ADSL: variants seen among roughly 807,000 people sequenced by gnomAD.
ADSL encodes adenylosuccinase.
ADSL carries 44 observed loss-of-function variants against 62.1 expected under a neutral mutation model. That is an observed-to-expected ratio of 0.71 (90% CI 0.56 to 0.91). The LOEUF (loss-of-function observed/expected upper bound fraction) is 0.91, where lower values mean the gene tolerates loss of function less well. ADSL is among the 40% of genes least tolerant of loss of function. The probability of loss-of-function intolerance (pLI) is 0.00; values close to 1 mark genes in which losing one functional copy is unlikely to be tolerated. For missense variants in ADSL, 531 were observed against 627.4 expected (o/e 0.85, Z 1.64); for synonymous variants, 198 against 220.5 (o/e 0.90, Z 0.90).
chr22:40,356,649 A>G (rs559170735), intron 4 of ADSL, among the ~76,000 whole-genome samples: 41 of 152,028 alleles, frequency 2.7e-4, no homozygotes, highest in African/African-American at 9.9e-4. Flanking sequence ...GTTCGAGACC[A>G]GCCTGGGCAA....
At chr22:40,355,968 CCT>C in intron 4 of ADSL, among the ~76,000 whole-genome samples, 1 of 150,344 alleles carries the variant, frequency 6.7e-6, no homozygotes, top group South Asian at 2.1e-4. Flanking sequence ...GGGTGGATCA[CCT>C]GAGGTCAGGA....
At chr22:40,382,306 A>C (rs2047698619) in intron 2 of ADSL, among the ~76,000 whole-genome samples, 1 of 152,140 alleles carries the variant, frequency 6.6e-6, no homozygotes, top group African/African-American at 2.4e-5. Flanking sequence ...AACAATAATC[A>C]TTTTATTACT....
chr22:40,360,300 GTCC>G (rs1420693935), intron 6 of ADSL, 99 bp from the exon 7 acceptor site: 2 of 925,192 alleles, frequency 2.2e-6, no homozygotes, highest in Non-Finnish European at 3.5e-6. Flanking sequence ...AGTTAAAGCA[GTCC>G]TCCTCCGTTA....
intron 7 of ADSL, among the ~76,000 whole-genome samples, chr22:40,360,915 G>A (rs1246379784): frequency 6.6e-6 from 1 of 151,930 alleles, no homozygotes; most frequent in East Asian, 1.9e-4. Flanking sequence ...TGGCCAGGCT[G>A]GTCTCGAACT....
intron 2 of ADSL, among the ~76,000 whole-genome samples, chr22:40,381,135 G>A (rs753978539): frequency 2.6e-5 from 4 of 151,900 alleles, no homozygotes; most frequent in Admixed American, 1.3e-4. Flanking sequence ...AGAGGTACAC[G>A]CTTTTCTTTT....
chr22:40,372,122 C>CTTTT (rs58396730), downstream of ADSL, among the ~76,000 whole-genome samples: 12 of 65,212 alleles, frequency 1.8e-4, no homozygotes, highest in East Asian at 4.8e-4. Flanking sequence ...TCCCCCCCCC[C>CTTTT]TTTTTTTTTT....
At chr22:40,385,515 A>G (rs1245764321) in intron 2 of ADSL, among the ~76,000 whole-genome samples, 3 of 152,202 alleles carry the variant, frequency 2.0e-5, no homozygotes, top group African/African-American at 7.2e-5. Flanking sequence ...GTAGGAAGGA[A>G]GAAAACCACT....
At chr22:40,374,786 A>G (rs569065692) in intron 2 of ADSL, among the ~76,000 whole-genome samples, 2 of 152,348 alleles carry the variant, frequency 1.3e-5, no homozygotes, top group Admixed American at 1.3e-4. Flanking sequence ...AGGCTGAGGC[A>G]GGAGGATTGC....
intron 2 of ADSL, among the ~76,000 whole-genome samples, chr22:40,350,755 A>G (rs1477002841): frequency 1.3e-5 from 2 of 151,708 alleles, no homozygotes; most frequent in Non-Finnish European, 2.9e-5. Flanking sequence ...AGTAGCTGGG[A>G]TTCCACGCGC....
chr22:40,358,004 C>G (rs2044630610), intron 4 of ADSL, among the ~76,000 whole-genome samples: 1 of 152,084 alleles, frequency 6.6e-6, no homozygotes, highest in Admixed American at 6.5e-5. Context: ...TCTCGAACTC[C>G]TGACCTCAAG....
rs370221257 is a variant in ADSL, at chr22:40,361,610, C to T, written c.985C>T (p.Arg329Cys). The T allele has an allele frequency of 2.7e-5, 43 of 1,613,820 alleles. No homozygotes were observed. Among genetic ancestry groups the T allele is most frequent in the South Asian group, 4.4e-5 (4 of 91,092 alleles). ...LQTASVQWFE[R>C]TLDDSANRRI... is the part of the protein sequence containing the mutation. ...GACAGCATCTGTCCAGTGGTTTGAA[C>T]GCACACTGGATGATAGTGCCAACCG... Residue 329 changes from arginine to cysteine, a missense_variant, in exon 9 of 13, where the codon CGC becomes TGC. Physicochemically the swap from Arg to Cys is radical, Grantham distance 180. This residue lies in a region of ADSL where 471 missense variants were observed against 592.9 expected (regional missense o/e 0.79). Transcript: ENST00000623063.
intron 4 of ADSL, 96 bp downstream of exon 4, chr22:40,354,423 G>A: frequency 1.0e-6 from 1 of 965,888 alleles, no homozygotes; most frequent in Non-Finnish European, 1.7e-6. Flanking sequence ...TGAAGAATCT[G>A]AAAACATGAT....
In ADSL at chr22:40,368,694, A is replaced by C. The variant is rs1488626796; in HGVS notation, c.*2172A>C. On this transcript the variant is annotated 3_prime_UTR_variant, in exon 13 of 13. Coordinates refer to ENST00000623063, the MANE Select transcript of ADSL (RefSeq NM_000026.4). ...GTAATCCCAACACTTTGGGAGGCCG[A>C]GGCAGGTGGATCACCTGAGGTCAGG... is the stretch of plus-strand genomic sequence containing the variant. 5 of 152,246 alleles carry C rather than the reference A, an allele frequency of 3.3e-5. No individual in the cohort carries two copies. The highest frequency in any genetic ancestry group is 1.2e-4 in the African/African-American group (5 of 41,444). The allele number at this position is 152,246 out of a possible 1,614,324, so 9.4% of individuals were successfully genotyped here.
downstream of ADSL, chr22:40,370,657 C>T (rs1193549065): frequency 6.6e-6 from 1 of 152,406 alleles, no homozygotes; most frequent in African/African-American, 2.4e-5. Flanking sequence ...CTAACCCGAC[C>T]CGGATTGGCG....
intron 7 of ADSL, 84 bp from the exon 8 acceptor site, chr22:40,361,189 C>T: frequency 7.6e-7 from 1 of 1,309,542 alleles, no homozygotes; most frequent in Non-Finnish European, 1.1e-6. Flanking sequence ...AAGAGCTCAT[C>T]TCCTTCATCA....
intron 2 of ADSL, among the ~76,000 whole-genome samples, chr22:40,376,109 G>GTGTT (rs1176249446): frequency 7.2e-6 from 1 of 139,858 alleles, no homozygotes; most frequent in African/African-American, 2.6e-5. Flanking sequence ...TCCCTCTCTT[G>GTGTT]TGTTTGAGTT....
chr22:40,348,573 G>T lies in ADSL; in HGVS notation c.154-1259G>T, dbSNP rs539245612. 12 of 398,566 alleles carry T rather than the reference G, an allele frequency of 3.0e-5. No homozygotes were observed. In the South Asian group the frequency reaches 1.4e-3, roughly 46 times the overall value. The allele number at this position is 398,566 out of a possible 1,614,324, so 24.7% of individuals were successfully genotyped here. On this transcript the variant is annotated intron_variant, in intron 1 of 12. Transcript: ENST00000623063. ...TTTTTGTGTTGTTTTGTAGAGATGG[G>T]TCTCACTGTGTTTTCCAGTGCGGTC... is the stretch of plus-strand genomic sequence containing the variant.
At chr22:40,383,017 C>T (rs1247101358) in intron 2 of ADSL, among the ~76,000 whole-genome samples, 1 of 152,154 alleles carries the variant, frequency 6.6e-6, no homozygotes, top group Non-Finnish European at 1.5e-5. Flanking sequence ...TTGTGTAGGT[C>T]ATAAAACAGG....
Position 40,362,970 on chromosome 22 carries a change from T to G in ADSL, c.1011-11T>G. On this transcript the variant is annotated splice_polypyrimidine_tract_variant and intron_variant, in intron 9 of 12. Transcript: ENST00000623063. ...GTTTAAAGACATACTGAATGGCTAT[T>G]TGTTTTCTAGACGGATCTGTTTGGC... 6.2e-7 allele frequency: 1 copy of G among 1,609,586 alleles called. No individual in the cohort carries two copies.
Sources: allele counts gnomAD v4.1 joint callset (sites outside exome capture counted in the v4.1 genomes callset), GRCh38; gene constraint gnomAD v4.1.1; regional missense constraint gnomAD v4.1.1; transcripts MANE v1.5; gene names NCBI Gene and HGNC (gene_info 2026-07-23, HGNC 2026-07-21).